RANBP2: variants seen among roughly 807,000 people sequenced by gnomAD.
RANBP2 encodes the protein E3 SUMO-protein ligase RanBP2.
A neutral mutation model predicts 303.6 loss-of-function variants in RANBP2; 57 were observed. The ratio of observed to expected loss-of-function variants is 0.19; its 90% CI spans 0.15 to 0.23. The LOEUF (loss-of-function observed/expected upper bound fraction) is 0.23. Ranked by LOEUF, RANBP2 falls within the 10% of genes least tolerant of loss-of-function variation. The probability of loss-of-function intolerance (pLI) is 1.00; values close to 1 mark genes in which losing one functional copy is unlikely to be tolerated. For synonymous variants in RANBP2, 1,167 were observed against 1,301.5 expected, an observed-to-expected ratio of 0.90 and a Z score of 2.23; for missense variants, 3,138 against 3,780.8, an observed-to-expected ratio of 0.83 and a Z score of 4.46.
At chr2:109,241,956 G>A in the RANBP2 span, among the ~76,000 whole-genome samples, 3 of 152,036 alleles carry the variant, frequency 2.0e-5, no homozygotes, top group African/African-American at 7.2e-5. Context: ...TCCCCAGAGT[G>A]CTGCTTTCAT....
chr2:109,301,648 C>A, the RANBP2 span, among the ~76,000 whole-genome samples: 1 of 152,152 alleles, frequency 6.6e-6, no homozygotes, highest in South Asian at 2.1e-4. Context: ...CATGCCGAGA[C>A]CACTAGGCTC....
the RANBP2 span, among the ~76,000 whole-genome samples, chr2:109,064,474 A>AC: frequency 2.1e-4 from 32 of 149,010 alleles, 1 homozygote; most frequent in South Asian, 6.5e-4. Context: ...AAAAAAAACA[A>AC]AAACAAACTG....
At chr2:109,281,272 G>A in the RANBP2 span, among the ~76,000 whole-genome samples, 1 of 152,334 alleles carries the variant, frequency 6.6e-6, no homozygotes, top group Non-Finnish European at 1.5e-5. Context: ...ACAGGTTGTG[G>A]GTTTTGTTGG....
At chr2:109,275,791 G>A in the RANBP2 span, among the ~76,000 whole-genome samples, 1 of 152,214 alleles carries the variant, frequency 6.6e-6, no homozygotes, top group Non-Finnish European at 1.5e-5. Flanking sequence ...ATGAAGCGAG[G>A]CACAGTGAGA....
the RANBP2 span, chr2:109,129,282 G>T: frequency 3.0e-6 from 2 of 656,228 alleles, no homozygotes; most frequent in Non-Finnish European, 2.6e-6. Flanking sequence ...GACAGGTGTA[G>T]CCCGCAGCCG....
chr2:109,335,963 G>A, the RANBP2 span, among the ~76,000 whole-genome samples: 57 of 152,328 alleles, frequency 3.7e-4, 1 homozygote, highest in African/African-American at 1.3e-3. Context: ...ATATGTCGGT[G>A]AGACTGATAG....
At chr2:109,696,233 G>A in the RANBP2 span, among the ~76,000 whole-genome samples, 2 of 152,146 alleles carry the variant, frequency 1.3e-5, no homozygotes, top group Non-Finnish European at 2.9e-5. Context: ...ACTGTCCTGG[G>A]ATTACAGGCA....
At chr2:109,389,041 C>T in the RANBP2 span, among the ~76,000 whole-genome samples, 1 of 152,222 alleles carries the variant, frequency 6.6e-6, no homozygotes. Flanking sequence ...CCATCACATG[C>T]AGCATCATAG....
At chr2:109,152,399 A>G in the RANBP2 span, among the ~76,000 whole-genome samples, 1 of 152,214 alleles carries the variant, frequency 6.6e-6, no homozygotes, top group East Asian at 1.9e-4. Flanking sequence ...TGTACAGCAA[A>G]TCAAATAAAT....
At chr2:109,613,855 G>A in the RANBP2 span, 4 of 1,235,322 alleles carry the variant, frequency 3.2e-6, no homozygotes, top group African/African-American at 1.6e-5. Context: ...CGGTGAAGCG[G>A]CTGTATCAGC....
chr2:109,601,360 A>G, the RANBP2 span, among the ~76,000 whole-genome samples: 25 of 152,350 alleles, frequency 1.6e-4, 1 homozygote, highest in Admixed American at 1.4e-3. Flanking sequence ...CCAAATACAT[A>G]TTTCACAATA....
chr2:109,714,357 A>G, the RANBP2 span, among the ~76,000 whole-genome samples: 1 of 152,000 alleles, frequency 6.6e-6, no homozygotes, highest in Non-Finnish European at 1.5e-5. Context: ...GCTGGAGTGC[A>G]GTGGTGTGAT....
At chr2:109,575,678 C>G in the RANBP2 span, among the ~76,000 whole-genome samples, 20,521 of 152,236 alleles carry the variant, frequency 0.13, 1,873 homozygotes, top group African/African-American at 0.26. Context: ...TCTCATTAAA[C>G]AAATCTGGGT....
chr2:109,572,855 T>C, the RANBP2 span, among the ~76,000 whole-genome samples: 2 of 152,070 alleles, frequency 1.3e-5, no homozygotes, highest in Non-Finnish European at 2.9e-5. Flanking sequence ...GACCTTGTGA[T>C]CCGCCTGCCT....
the RANBP2 span, among the ~76,000 whole-genome samples, chr2:109,290,943 T>C: frequency 6.6e-6 from 1 of 152,260 alleles, no homozygotes; most frequent in Middle Eastern, 3.2e-3. Context: ...TTTTACTGTT[T>C]TCCTGGGGTG....
the RANBP2 span, among the ~76,000 whole-genome samples, chr2:109,211,610 G>T: frequency 2.0e-5 from 3 of 151,642 alleles, no homozygotes; most frequent in Non-Finnish European, 2.9e-5. Flanking sequence ...TAGACAGACA[G>T]ATGCACATGA....
chr2:109,523,843 C>A, the RANBP2 span, among the ~76,000 whole-genome samples: 3 of 152,184 alleles, frequency 2.0e-5, no homozygotes, highest in Non-Finnish European at 2.9e-5. Flanking sequence ...AAGCAGCCTG[C>A]GACGGTCTCC....
chr2:108,965,219 T>C, the RANBP2 span, among the ~76,000 whole-genome samples: 1 of 152,136 alleles, frequency 6.6e-6, no homozygotes, highest in African/African-American at 2.4e-5. Flanking sequence ...GGCTCACGAC[T>C]GTAATCCCAG....
the RANBP2 span, among the ~76,000 whole-genome samples, chr2:108,843,882 CTTTCTT>C: frequency 5.5e-3 from 253 of 46,316 alleles, 3 homozygotes; most frequent in African/African-American, 0.017. Flanking sequence ...GTGTGTGTTT[CTTTCTT>C]TTTTTTTTTT....
Sources: gnomAD v4.1 joint callset for allele counts (sites outside exome capture counted in the v4.1 genomes callset) on GRCh38, gnomAD v4.1.1 for gene constraint, MANE v1.5 for transcripts, NCBI Gene and HGNC (gene_info 2026-07-23, HGNC 2026-07-21) for gene names.